The following NRAP variants were observed in gnomAD, a reference collection of about 807,000 sequenced individuals.
NRAP encodes the protein nebulin-related-anchoring protein.
A neutral mutation model predicts 225.9 loss-of-function variants in NRAP; 189 were observed. That is an observed-to-expected ratio of 0.84 (90% CI 0.74 to 0.94). The LOEUF (loss-of-function observed/expected upper bound fraction) is 0.94. Ranked by LOEUF, NRAP falls within the 40% of genes least tolerant of loss-of-function variation. The pLI, the probability that NRAP is intolerant of heterozygous loss-of-function variation, is 0.00. For missense variants in NRAP, 2,176 were observed against 2,168.7 expected, an observed-to-expected ratio of 1.00 and a Z score of -0.07; for synonymous variants, 769 against 790.7, an observed-to-expected ratio of 0.97 and a Z score of 0.46.
intron 18 of NRAP, among the ~76,000 whole-genome samples, chr10:113,630,293 A>G (rs1420557123): frequency 6.6e-6 from 1 of 152,214 alleles, no homozygotes; most frequent in Non-Finnish European, 1.5e-5. Flanking sequence ...AAATATTCGC[A>G]TGACAATAAC....
At chr10:113,592,518 GCCC>G (rs1846052426) in intron 38 of NRAP, among the ~76,000 whole-genome samples, 1 of 149,668 alleles carries the variant, frequency 6.7e-6, no homozygotes, top group South Asian at 2.2e-4. Context: ...CACCCATTAG[GCCC>G]TGCTCCTGTG....
At position 113,644,147 on chromosome 10, in the gene NRAP, C is replaced by CAAA. The variant is rs60015356; in HGVS notation, c.1111-1112_1111-1110dup. On this transcript the variant is annotated intron_variant, in intron 11 of 41. Coordinates refer to ENST00000359988, the MANE Select transcript of NRAP (RefSeq NM_198060.4). Reference sequence around the variant, plus strand: ...GGCCAACAAGAGTGAAACTCCCTCTCAAAAAAAAAAAAAAAAAAAAAAGGC... The same window carrying CAAA: ...GGCCAACAAGAGTGAAACTCCCTCTCAAAAAAAAAAAAAAAAAAAAAAAAAGGC... Among the ~76,000 whole-genome samples, 10 of 47,986 alleles carry CAAA rather than the reference C, an allele frequency of 2.1e-4. 4 individuals carry two copies. The highest frequency in any genetic ancestry group is 3.7e-4 in the Non-Finnish European group (10 of 27,304). The allele number at this position is 47,986 out of a possible 152,430, so 31.5% of individuals were successfully genotyped here.
chr10:113,608,581 C>A, intron 31 of NRAP, 69 bp from the exon 32 acceptor site: 1 of 991,386 alleles, frequency 1.0e-6, no homozygotes, highest in Non-Finnish European at 1.6e-6. Context: ...AGAACCAGTT[C>A]TTTAAGTATT....
At position 113,631,915 on chromosome 10, in the gene NRAP, A is replaced by G; in HGVS notation, c.1682T>C (p.Met561Thr). The change falls in exon 17 of 42, where the codon ATG (methionine) becomes ACG (threonine). Residue 561 changes from methionine (M) to threonine (T), a missense_variant. Transcript: ENST00000359988. ...WEKTKGKGFE[M>T]KLDAMSLLAA... ...CAGCAGAGACATGGCATCCAGCTTC[A>G]TCTCAAATCCTTTCCCCTTTGTCTT... 6.2e-7 allele frequency: 1 copy of G among 1,613,918 alleles called. No individual in the cohort carries two copies. Among genetic ancestry groups the G allele is most frequent in the Non-Finnish European group, 8.5e-7 (1 of 1,179,770 alleles).
Position 113,588,798 on chromosome 10 carries a change from CAG to C in NRAP, c.*175_*176del, listed in dbSNP as rs1181106198. The C allele has an allele frequency of 6.7e-5, 41 of 611,728 alleles. 1 individual carries two copies. In the South Asian group the frequency reaches 8.1e-4, roughly 12 times the overall value. 37.9% of individuals were successfully genotyped at this position (611,728 alleles called of 1,614,324 possible). A position where few individuals can be genotyped will look rare whatever the true frequency, so the allele number is the denominator to read the frequency against. On this transcript the variant is annotated 3_prime_UTR_variant, in exon 42 of 42. Coordinates refer to ENST00000359988, the MANE Select transcript of NRAP (RefSeq NM_198060.4). Reference sequence around the variant, plus strand: ...GAATCAGCCATCCACGTCTAGGTATCAGAGAGGACCACAAATACAACATTCTC... The same window carrying C: ...GAATCAGCCATCCACGTCTAGGTATCAGAGGACCACAAATACAACATTCTC...
intron 4 of NRAP, among the ~76,000 whole-genome samples, chr10:113,655,675 C>G (rs942774189): frequency 6.6e-6 from 1 of 152,088 alleles, no homozygotes; most frequent in African/African-American, 2.4e-5. Flanking sequence ...GTCTCGAACT[C>G]CTGACCTCAG....
chr10:113,648,467 C>CTCTCTCTCTCTATATA (rs749486311), intron 9 of NRAP, among the ~76,000 whole-genome samples: 77 of 87,370 alleles, frequency 8.8e-4, no homozygotes, highest in Middle Eastern at 8.1e-3. Flanking sequence ...CTCTCTCTCT[C>CTCTCTCTCTCTATATA]TATATATATA....
chr10:113,612,805 C>T (rs1005899115), intron 29 of NRAP, among the ~76,000 whole-genome samples: 1 of 152,156 alleles, frequency 6.6e-6, no homozygotes, highest in Non-Finnish European at 1.5e-5. Flanking sequence ...TTTTTCCCAT[C>T]GCCCACTCAA....
chr10:113,619,354 G>C (rs1847856821), intron 25 of NRAP, among the ~76,000 whole-genome samples: 1 of 152,084 alleles, frequency 6.6e-6, no homozygotes, highest in Non-Finnish European at 1.5e-5. Flanking sequence ...TATCCTCCCA[G>C]AGGGCCTCTC....
At chr10:113,632,185 ATG>A (rs1848617820) in intron 16 of NRAP, among the ~76,000 whole-genome samples, 1 of 152,204 alleles carries the variant, frequency 6.6e-6, no homozygotes, top group East Asian at 1.9e-4. Flanking sequence ...GAGAAGCCCC[ATG>A]TGTTGCTCCT....
chr10:113,644,147 CAAAA>C lies in NRAP; in HGVS notation c.1111-1113_1111-1110del, dbSNP rs60015356. The stretch of plus-strand genomic sequence containing the variant: ...GGCCAACAAGAGTGAAACTCCCTCT[CAAAA>C]AAAAAAAAAAAAAAAAAAGGCCAAA... On this transcript the variant is annotated intron_variant, in intron 11 of 41. Transcript: ENST00000359988. 2.5e-4 allele frequency among the ~76,000 whole-genome samples: 12 copies of C among 47,986 alleles called. 1 individual carries two copies. Among genetic ancestry groups the C allele is most frequent in the Admixed American group, 2.0e-3 (5 of 2,496 alleles). 31.5% of individuals were successfully genotyped at this position (47,986 alleles called of 152,430 possible).
intron 30 of NRAP, among the ~76,000 whole-genome samples, chr10:113,612,019 A>G (rs1847360259): frequency 6.6e-6 from 1 of 152,244 alleles, no homozygotes; most frequent in Admixed American, 6.5e-5. Flanking sequence ...CAATGCTTAG[A>G]GTGCAGCAAA....
Position 113,663,443 on chromosome 10 carries a change from A to T in NRAP, c.76T>A (p.Trp26Arg), listed in dbSNP as rs1850818877. 6.3e-7 allele frequency: 1 copy of T among 1,583,186 alleles called. No individual in the cohort carries two copies. The highest frequency in any genetic ancestry group is 8.7e-7 in the Non-Finnish European group (1 of 1,151,970). ...AEKISCIDQI[W>R]HKACFHCEVC... is the part of the protein sequence containing the mutation. ...TCACAGTGAAAACAGGCTTTATGCC[A>T]TATCTAGAAATCATATAGAGAAGAT... is the stretch of plus-strand genomic sequence containing the variant. The change falls in exon 2 of 42, where the codon TGG becomes AGG. Residue 26 changes from tryptophan (W) to arginine (R), a missense_variant. This residue lies in a region of NRAP where 1,708 missense variants were observed against 1,695.5 expected (regional missense o/e 1.01). Transcript: ENST00000359988.
Position 113,589,004 on chromosome 10 carries a change from CG to C in NRAP, c.5163del (p.His1721GlnfsTer16). 1 of 1,613,930 alleles carries C rather than the reference CG, an allele frequency of 6.2e-7. No homozygotes were observed. Among genetic ancestry groups the C allele is most frequent in the Non-Finnish European group, 8.5e-7 (1 of 1,179,902 alleles). Reference protein sequence around the residue: ...EVNPDATEILHVKKKKALLL With the variant: ...EVNPDATEILXVKKKKALLL ...AACAGCAGGGCCTTCTTCTTTTTGACGTGCAGAATCTCAGTGGCATCTGGGT... is the reference window on the plus strand; with the variant it reads ...AACAGCAGGGCCTTCTTCTTTTTGACTGCAGAATCTCAGTGGCATCTGGGT... On this transcript the variant is annotated frameshift_variant, in exon 42 of 42. Transcript: ENST00000359988. LOFTEE classifies it high-confidence loss of function.
At chr10:113,644,235 T>C (rs1849374218) in intron 11 of NRAP, among the ~76,000 whole-genome samples, 1 of 150,988 alleles carries the variant, frequency 6.6e-6, no homozygotes, top group Non-Finnish European at 1.5e-5. Flanking sequence ...TGGATCCAGT[T>C]CTGTCCCTAA....
intron 11 of NRAP, among the ~76,000 whole-genome samples, chr10:113,644,663 T>C (rs1032913999): frequency 3.9e-5 from 6 of 152,210 alleles, no homozygotes; most frequent in African/African-American, 1.4e-4. Flanking sequence ...CTTCAAAGTA[T>C]CTGAGGCTCC....
In NRAP at chr10:113,617,494, C is replaced by A. The variant is rs140757186; in HGVS notation, c.2934G>T (p.Glu978Asp). The A allele has an allele frequency of 6.2e-7, 1 of 1,612,174 alleles. No homozygotes were observed. The highest frequency in any genetic ancestry group is 1.3e-5 in the African/African-American group (1 of 74,878). ...LKFTSIKDTP[E>D]MVQARISYTQ... Reference sequence around the variant, plus strand: ...TATAACTAATTCTGGCCTGGACCATCTCCGGAGTGTCTTTAATACTGGTAA... The same window carrying A: ...TATAACTAATTCTGGCCTGGACCATATCCGGAGTGTCTTTAATACTGGTAA... The change falls in exon 26 of 42, where the codon GAG becomes GAT. Residue 978 changes from glutamate (E) to aspartate (D), a missense_variant. Physicochemically the swap from Glu to Asp is conservative, Grantham distance 45. This residue lies in a region of NRAP where 1,708 missense variants were observed against 1,695.5 expected (regional missense o/e 1.01). Coordinates refer to ENST00000359988, the MANE Select transcript of NRAP (RefSeq NM_198060.4).
rs1232842422 is a variant in NRAP, at chr10:113,633,069, A to AC, written c.1632+14dup. 8 of 1,341,384 alleles carry AC rather than the reference A, an allele frequency of 6.0e-6. No individual in the cohort carries two copies. Among genetic ancestry groups the AC allele is most frequent in the Non-Finnish European group, 7.5e-6 (7 of 932,026 alleles). The allele number at this position is 1,341,384 out of a possible 1,614,324, so 83.1% of individuals were successfully genotyped here. ...CTATAACCCCCTCCACCGTCTCCCC[A>AC]CATTGCTCTCTTACCTCACTGAAGA... On this transcript the variant is annotated intron_variant, in intron 16 of 41. Transcript: ENST00000359988.
rs756326777 is a variant in NRAP, at chr10:113,633,202, A to C, written c.1528-14T>G. 1.4e-6 allele frequency: 2 copies of C among 1,435,212 alleles called. No homozygotes were observed. The highest frequency in any genetic ancestry group is 2.3e-5 in the South Asian group (2 of 87,538). 88.9% of individuals were successfully genotyped at this position (1,435,212 alleles called of 1,614,324 possible). ...ACGGTAATTCACCTGTTGGATTTAA[A>C]ATAAATCTGTAGGGTTTTTATATGG... is the stretch of plus-strand genomic sequence containing the variant. On this transcript the variant is annotated splice_polypyrimidine_tract_variant and intron_variant, in intron 15 of 41. Transcript: ENST00000359988.
Sources: allele counts gnomAD v4.1 joint callset (sites outside exome capture counted in the v4.1 genomes callset), GRCh38; gene constraint gnomAD v4.1.1; regional missense constraint gnomAD v4.1.1; transcripts MANE v1.5; gene names NCBI Gene and HGNC (gene_info 2026-07-23, HGNC 2026-07-21).